CLOCK: variants seen among roughly 807,000 people sequenced by gnomAD.
The protein encoded by CLOCK is circadian locomoter output cycles protein kaput.
A neutral mutation model predicts 118.4 loss-of-function variants in CLOCK; 43 were observed. That is an observed-to-expected ratio of 0.36 (90% CI 0.28 to 0.47). The LOEUF is 0.47. CLOCK is among the 20% of genes least tolerant of loss of function. CLOCK has a pLI of 1.00. For synonymous variants in CLOCK, 326 were observed against 339.2 expected, an observed-to-expected ratio of 0.96 and a Z score of 0.43; for missense variants, 846 against 999.9, an observed-to-expected ratio of 0.85 and a Z score of 2.08.
chr4:55,463,813 G>A lies in CLOCK; in HGVS notation c.439-8C>T. On this transcript the variant is annotated splice_region_variant and splice_polypyrimidine_tract_variant and intron_variant, in intron 8 of 22. Coordinates refer to ENST00000513440, the MANE Select transcript of CLOCK (RefSeq NM_004898.4). ...TTGATCCACAAGATCAGACTGAAAA[G>A]AAAATTGTTAAAAGTAAAATAACTT... The A allele has an allele frequency of 6.2e-7, 1 of 1,605,242 alleles. No individual in the cohort carries two copies. The highest frequency in any genetic ancestry group is 8.5e-7 in the Non-Finnish European group (1 of 1,174,568).
intron 22 of CLOCK, among the ~76,000 whole-genome samples, chr4:55,436,343 C>A (rs1722876011): frequency 6.6e-6 from 1 of 152,158 alleles, no homozygotes; most frequent in Admixed American, 6.6e-5. Context: ...GAGTTTTGCT[C>A]TGCCATTTAC....
chr4:55,502,900 T>A (rs1728530040), intron 2 of CLOCK, among the ~76,000 whole-genome samples: 1 of 152,208 alleles, frequency 6.6e-6, no homozygotes, highest in African/African-American at 2.4e-5. Flanking sequence ...TTGAAAATAT[T>A]CTAAGCCTTT....
intron 8 of CLOCK, among the ~76,000 whole-genome samples, chr4:55,469,067 AATC>A (rs1725932365): frequency 6.6e-6 from 1 of 152,226 alleles, no homozygotes. Flanking sequence ...GATAATAAAC[AATC>A]ATCTTACTAG....
At chr4:55,522,073 T>G (rs778420930) in intron 1 of CLOCK, among the ~76,000 whole-genome samples, 1 of 152,136 alleles carries the variant, frequency 6.6e-6, no homozygotes, top group Non-Finnish European at 1.5e-5. Context: ...GGTACCCAAA[T>G]AGGGCAAAAA....
chr4:55,432,479 T>C lies in CLOCK; in HGVS notation c.*2936A>G, dbSNP rs1417824626. 4.0e-5 allele frequency: 6 copies of C among 151,134 alleles called. 1 individual carries two copies. The South Asian group carries it at 1.3e-3, about 33-fold the overall frequency. The allele number at this position is 151,134 out of a possible 1,614,324, so 9.4% of individuals were successfully genotyped here. On this transcript the variant is annotated 3_prime_UTR_variant, in exon 23 of 23. Coordinates refer to ENST00000513440, the MANE Select transcript of CLOCK (RefSeq NM_004898.4). The stretch of plus-strand genomic sequence containing the variant: ...AGAATAAAGCAGAGGGAAGACTTTT[T>C]TTTTTTTTTTTTTAAAGCTGGAAGG...
intron 8 of CLOCK, among the ~76,000 whole-genome samples, chr4:55,470,170 A>G (rs1726031797): frequency 6.6e-6 from 1 of 152,058 alleles, no homozygotes; most frequent in Admixed American, 6.6e-5. Flanking sequence ...CTTATCACTC[A>G]CTCACTGACT....
intron 8 of CLOCK, among the ~76,000 whole-genome samples, chr4:55,469,128 C>T (rs1306342073): frequency 1.5e-5 from 2 of 136,654 alleles, no homozygotes; most frequent in Non-Finnish European, 3.2e-5. Flanking sequence ...TCTCTATTTA[C>T]ATTTTTTTTT....
chr4:55,479,269 GGTT>G (rs1480311683), intron 5 of CLOCK, among the ~76,000 whole-genome samples: 3 of 151,968 alleles, frequency 2.0e-5, no homozygotes, highest in Non-Finnish European at 4.4e-5. Flanking sequence ...TAACTTACAT[GGTT>G]ATTATAAATA....
At chr4:55,537,378 G>T (rs1303212832) in intron 1 of CLOCK, among the ~76,000 whole-genome samples, 1 of 152,120 alleles carries the variant, frequency 6.6e-6, no homozygotes, top group Non-Finnish European at 1.5e-5. Context: ...TAGCACTTTG[G>T]GAGGCTGAGG....
chr4:55,442,684 T>C (rs748162992), intron 20 of CLOCK, 50 bp from the exon 21 acceptor site: 1 of 1,454,236 alleles, frequency 6.9e-7, no homozygotes, highest in East Asian at 2.4e-5. Context: ...AAATAATTAT[T>C]TGGGAAGTAT....
At chr4:55,442,348 A>G in intron 21 of CLOCK, 84 bp downstream of exon 21, 2 of 1,245,134 alleles carry the variant, frequency 1.6e-6, no homozygotes, top group East Asian at 4.8e-5. Context: ...ATCACATTAA[A>G]AAATTTGATT....
intron 3 of CLOCK, among the ~76,000 whole-genome samples, chr4:55,487,654 G>A (rs544188552): frequency 2.3e-4 from 35 of 152,178 alleles, no homozygotes; most frequent in Non-Finnish European, 4.6e-4. Context: ...CCAAAGTTAA[G>A]AAAAGGATCC....
chr4:55,431,744 A>G lies in CLOCK; in HGVS notation c.*3671T>C, dbSNP rs943189273. 2.0e-5 allele frequency: 3 copies of G among 152,246 alleles called. No individual in the cohort carries two copies. The highest frequency in any genetic ancestry group is 6.5e-5 in the Admixed American group (1 of 15,286). 9.4% of individuals were successfully genotyped at this position (152,246 alleles called of 1,614,324 possible). On this transcript the variant is annotated 3_prime_UTR_variant, in exon 23 of 23. Transcript: ENST00000513440. Reference sequence around the variant, plus strand: ...AGCAGAAATACTAAAGTAAAATGCTATTTGCATTCCACTTTTAAAAAGTTT... The same window carrying G: ...AGCAGAAATACTAAAGTAAAATGCTGTTTGCATTCCACTTTTAAAAAGTTT...
chr4:55,449,981 G>A (rs1724274665), intron 16 of CLOCK, 110 bp downstream of exon 16: 2 of 1,335,244 alleles, frequency 1.5e-6, no homozygotes, highest in African/African-American at 1.5e-5. Context: ...TTTCAGAAAT[G>A]TAAAAACTTA....
intron 19 of CLOCK, among the ~76,000 whole-genome samples, chr4:55,444,110 T>G (rs1420606190): frequency 6.6e-6 from 1 of 152,192 alleles, no homozygotes; most frequent in Non-Finnish European, 1.5e-5. Context: ...TTAGAAAAAG[T>G]GTAACTAGTG....
At chr4:55,486,994 A>G (rs1479813526) in intron 3 of CLOCK, among the ~76,000 whole-genome samples, 1 of 152,066 alleles carries the variant, frequency 6.6e-6, no homozygotes, top group Non-Finnish European at 1.5e-5. Flanking sequence ...GATCCTGGAC[A>G]GTTGTAATTT....
At chr4:55,462,798 G>T (rs543107412) in intron 9 of CLOCK, among the ~76,000 whole-genome samples, 1 of 151,726 alleles carries the variant, frequency 6.6e-6, no homozygotes, top group Non-Finnish European at 1.5e-5. Context: ...CTCAACTCTC[G>T]CTGAAAGGCC....
chr4:55,538,685 T>A (rs2110109565), intron 1 of CLOCK, among the ~76,000 whole-genome samples: 1 of 152,244 alleles, frequency 6.6e-6, no homozygotes, highest in Non-Finnish European at 1.5e-5. Context: ...TTCAAAAAAC[T>A]CTATAAACAT....
rs1367295576 is a variant in CLOCK at position 55,510,455 on chromosome 4, C to T, written c.-289-390G>A. On this transcript the variant is annotated intron_variant, in intron 1 of 22. Transcript: ENST00000513440. ...CAGCCTGGCCAACATGGTGAAACCT[C>T]GTCCCTACTAAAAATACAAAAATTA... Among the ~76,000 whole-genome samples, 12 of 152,048 alleles carry T rather than the reference C, an allele frequency of 7.9e-5. No individual in the cohort carries two copies. The East Asian group carries it at 9.7e-4, about 12-fold the overall frequency.
Sources: gnomAD v4.1 joint callset for allele counts (sites outside exome capture counted in the v4.1 genomes callset) on GRCh38, gnomAD v4.1.1 for gene constraint, MANE v1.5 for transcripts, NCBI Gene and HGNC (gene_info 2026-07-23, HGNC 2026-07-21) for gene names.